Variants in PKIA observed in about 807,000 individuals in gnomAD.
PKIA encodes cAMP-dependent protein kinase inhibitor alpha.
PKIA carries 4 observed loss-of-function variants against 7.6 expected under a neutral mutation model. The ratio of observed to expected loss-of-function variants is 0.52; its 90% CI spans 0.26 to 1.20. The LOEUF (loss-of-function observed/expected upper bound fraction) is 1.20, where lower values mean the gene tolerates loss of function less well. Among genes scored for constraint, PKIA ranks in the 50% most tolerant of loss-of-function variants. PKIA has a pLI of 0.13. For synonymous variants in PKIA, 21 were observed against 30.7 expected (o/e 0.68, Z 1.04); for missense variants, 73 against 86.2 (o/e 0.85, Z 0.61).
intron 1 of PKIA, among the ~76,000 whole-genome samples, chr8:78,565,619 T>G (rs1453148517): frequency 2.6e-5 from 4 of 151,996 alleles, no homozygotes; most frequent in African/African-American, 4.8e-5. Flanking sequence ...TTGCTATTTC[T>G]CAGTAGCCCT....
chr8:78,590,634 A>G (rs559079326), intron 2 of PKIA, among the ~76,000 whole-genome samples: 109 of 151,510 alleles, frequency 7.2e-4, no homozygotes, highest in African/African-American at 2.0e-3. Context: ...AATCAATGCC[A>G]TACTTGTCAC....
At chr8:78,533,057 C>T (rs1049275084) in intron 1 of PKIA, among the ~76,000 whole-genome samples, 4 of 152,158 alleles carry the variant, frequency 2.6e-5, no homozygotes, top group African/African-American at 9.7e-5. Context: ...TCATTCCGTG[C>T]ACCAGGGTGG....
intron 1 of PKIA, chr8:78,536,011 C>G (rs1470005869): frequency 6.6e-6 from 1 of 152,020 alleles, no homozygotes; most frequent in Non-Finnish European, 1.5e-5. Context: ...CCTTTCTGCT[C>G]AAGCTCAGGC....
intron 1 of PKIA, among the ~76,000 whole-genome samples, chr8:78,544,212 ACTT>A (rs1806766248): frequency 6.6e-6 from 1 of 152,138 alleles, no homozygotes; most frequent in Admixed American, 6.6e-5. Flanking sequence ...GCTCCAACTT[ACTT>A]CAACAGCCTC....
intron 2 of PKIA, among the ~76,000 whole-genome samples, chr8:78,574,520 A>C (rs1807629321): frequency 6.6e-6 from 1 of 151,962 alleles, no homozygotes; most frequent in African/African-American, 2.4e-5. Flanking sequence ...CCATTTCATT[A>C]AAGAAGGAAA....
At chr8:78,588,697 G>T (rs78318915) in intron 2 of PKIA, among the ~76,000 whole-genome samples, 3 of 152,040 alleles carry the variant, frequency 2.0e-5, no homozygotes, top group Non-Finnish European at 4.4e-5. Flanking sequence ...TGAGAAAACA[G>T]TCCTCCTAAG....
chr8:78,567,420 T>C (rs903479636), intron 1 of PKIA, among the ~76,000 whole-genome samples: 2 of 152,150 alleles, frequency 1.3e-5, no homozygotes, highest in African/African-American at 4.8e-5. Context: ...TTTTGGATAA[T>C]ACTGGACAGG....
intron 1 of PKIA, among the ~76,000 whole-genome samples, chr8:78,541,833 C>G (rs1182473627): frequency 6.8e-6 from 1 of 146,934 alleles, no homozygotes; most frequent in Non-Finnish European, 1.5e-5. Flanking sequence ...TTTAGATTCC[C>G]TCTACCATCT....
At chr8:78,555,814 T>G (rs1807119800) in intron 1 of PKIA, among the ~76,000 whole-genome samples, 1 of 152,092 alleles carries the variant, frequency 6.6e-6, no homozygotes, top group Non-Finnish European at 1.5e-5. Context: ...ATTAATGCAC[T>G]GAAAAGAAAC....
At chr8:78,542,035 G>A (rs1806706728) in intron 1 of PKIA, among the ~76,000 whole-genome samples, 1 of 151,952 alleles carries the variant, frequency 6.6e-6, no homozygotes, top group Non-Finnish European at 1.5e-5. Context: ...AATCAGCTGG[G>A]CATGGTGGTG....
At chr8:78,536,476 G>A (rs1191757932) in intron 1 of PKIA, among the ~76,000 whole-genome samples, 1 of 152,086 alleles carries the variant, frequency 6.6e-6, no homozygotes, top group African/African-American at 2.4e-5. Flanking sequence ...GGAGTCTGAT[G>A]TAGGTAGACA....
rs1228755603 is a variant in PKIA at position 78,540,803 on chromosome 8, ATATAATTATTACATTT to A, written c.-157+24352_-157+24367del. On this transcript the variant is annotated intron_variant, in intron 1 of 3. Transcript: ENST00000396418. Reference sequence around the variant, plus strand: ...TTCCATCTACAAAAATCTGTATTACATATAATTATTACATTTTATAATTATTACATTTGAGAAAAAT... The same window carrying A: ...TTCCATCTACAAAAATCTGTATTACATATAATTATTACATTTGAGAAAAAT... 9.2e-5 allele frequency among the ~76,000 whole-genome samples: 14 copies of A among 152,074 alleles called. No individual in the cohort carries two copies. In the East Asian group the frequency reaches 2.7e-3, roughly 29 times the overall value.
chr8:78,544,931 A>T (rs1806783958), intron 1 of PKIA, among the ~76,000 whole-genome samples: 1 of 152,168 alleles, frequency 6.6e-6, no homozygotes, highest in Admixed American at 6.5e-5. Context: ...ATAGCCAGTA[A>T]TAGAGGCCTG....
chr8:78,595,588 T>C (rs1392984053), intron 2 of PKIA, among the ~76,000 whole-genome samples: 2 of 152,184 alleles, frequency 1.3e-5, no homozygotes, highest in Non-Finnish European at 2.9e-5. Context: ...TCCTCCCACC[T>C]TCCATCCTCA....
At chr8:78,561,051 G>A (rs1807271924) in intron 1 of PKIA, among the ~76,000 whole-genome samples, 1 of 152,036 alleles carries the variant, frequency 6.6e-6, no homozygotes. Flanking sequence ...CATGAGACGT[G>A]GTATATCAGT....
intron 1 of PKIA, among the ~76,000 whole-genome samples, chr8:78,562,875 C>G (rs777226124): frequency 6.6e-6 from 1 of 150,778 alleles, no homozygotes; most frequent in Non-Finnish European, 1.5e-5. Context: ...CTGGTAGATG[C>G]TCAGGAAATG....
intron 1 of PKIA, among the ~76,000 whole-genome samples, chr8:78,531,859 T>A (rs1806394143): frequency 6.6e-6 from 1 of 152,150 alleles, no homozygotes; most frequent in Non-Finnish European, 1.5e-5. Context: ...CTATAATTTA[T>A]AATGAAGTTC....
At chr8:78,521,833 CAG>C (rs1214963059) in intron 1 of PKIA, among the ~76,000 whole-genome samples, 2 of 151,888 alleles carry the variant, frequency 1.3e-5, no homozygotes, top group African/African-American at 4.8e-5. Context: ...TTATCACAAA[CAG>C]AAACTCTATA....
intron 1 of PKIA, among the ~76,000 whole-genome samples, chr8:78,524,269 T>G (rs1156967466): frequency 6.8e-6 from 1 of 146,164 alleles, no homozygotes; most frequent in Non-Finnish European, 1.5e-5. Context: ...GGTTTCTACT[T>G]ATAAGGTATA....
Sources: allele counts gnomAD v4.1 joint callset (sites outside exome capture counted in the v4.1 genomes callset), GRCh38; gene constraint gnomAD v4.1.1; transcripts MANE v1.5; gene names NCBI Gene and HGNC (gene_info 2026-07-23, HGNC 2026-07-21).